Variants in FRMD4B observed in about 807,000 individuals in gnomAD.
The protein encoded by FRMD4B is FERM domain-containing protein 4B.
A neutral mutation model predicts 141.5 loss-of-function variants in FRMD4B; 74 were observed. That is an observed-to-expected ratio of 0.52 (90% confidence interval 0.43 to 0.63). FRMD4B has a LOEUF of 0.63. Ranked by LOEUF, FRMD4B falls within the 30% of genes least tolerant of loss-of-function variation. The pLI, the probability that FRMD4B is intolerant of heterozygous loss-of-function variation, is 0.00. For missense variants in FRMD4B, 1,366 were observed against 1,253.4 expected, an observed-to-expected ratio of 1.09 and a Z score of -1.36; for synonymous variants, 506 against 467.9, an observed-to-expected ratio of 1.08 and a Z score of -1.05.
chr3:69,529,861 TG>T (rs1700987049), intron 1 of FRMD4B, among the ~76,000 whole-genome samples: 1 of 152,204 alleles, frequency 6.6e-6, no homozygotes. Context: ...TTGCCTGAGT[TG>T]AAGTAGTAGT....
At chr3:69,449,484 G>A (rs137984651) in intron 1 of FRMD4B, among the ~76,000 whole-genome samples, 174 of 152,250 alleles carry the variant, frequency 1.1e-3, no homozygotes, top group Non-Finnish European at 1.8e-3. Flanking sequence ...GTGAAAAAGC[G>A]GATGAATGCA....
intron 1 of FRMD4B, among the ~76,000 whole-genome samples, chr3:69,527,953 G>T (rs1046238236): frequency 2.6e-5 from 4 of 152,146 alleles, no homozygotes; most frequent in African/African-American, 9.7e-5. Context: ...CCTATTAAAG[G>T]AATCACAAAT....
intron 5 of FRMD4B, among the ~76,000 whole-genome samples, chr3:69,262,459 CTTTTT>C (rs71618271): frequency 1.6e-4 from 14 of 86,852 alleles, no homozygotes; most frequent in Non-Finnish European, 2.2e-4. Flanking sequence ...ACACAAATGA[CTTTTT>C]TTTTTTTTTT....
intron 1 of FRMD4B, among the ~76,000 whole-genome samples, chr3:69,433,505 C>T (rs557422871): frequency 6.6e-6 from 1 of 152,164 alleles, no homozygotes; most frequent in Non-Finnish European, 1.5e-5. Context: ...TGGCACCATC[C>T]GCTTGGCACC....
Position 69,538,415 on chromosome 3 carries a change from T to C in FRMD4B, c.-129+3791A>G, listed in dbSNP as rs544148137. Among the ~76,000 whole-genome samples the C allele has an allele frequency of 4.4e-4, 67 of 152,340 alleles. 1 individual carries two copies. The South Asian group carries it at 0.013, about 31-fold the overall frequency. On this transcript the variant is annotated intron_variant, in intron 1 of 5. Coordinates refer to the FRMD4B transcript ENST00000459638. ...AACAGACACATGCATCCTGTGGCAG[T>C]ACTTTTCAAACTTTTTGATGGCTAA...
At chr3:69,478,073 C>A (rs1262905972) in intron 1 of FRMD4B, among the ~76,000 whole-genome samples, 1 of 152,054 alleles carries the variant, frequency 6.6e-6, no homozygotes, top group Non-Finnish European at 1.5e-5. Flanking sequence ...TTTTTTATTG[C>A]ATCTATTTGA....
At chr3:69,442,521 A>G (rs563190599) in intron 1 of FRMD4B, among the ~76,000 whole-genome samples, 1 of 152,232 alleles carries the variant, frequency 6.6e-6, no homozygotes, top group East Asian at 1.9e-4. Context: ...AGCACTCTAG[A>G]TCATTCTAAC....
At chr3:69,484,589 G>T (rs1706183310) in intron 1 of FRMD4B, among the ~76,000 whole-genome samples, 1 of 152,120 alleles carries the variant, frequency 6.6e-6, no homozygotes, top group Non-Finnish European at 1.5e-5. Flanking sequence ...CAAGTGTTCA[G>T]CTCTCAGCAG....
At chr3:69,220,067 G>A (rs1256605289) in intron 9 of FRMD4B, among the ~76,000 whole-genome samples, 2 of 152,130 alleles carry the variant, frequency 1.3e-5, no homozygotes, top group African/African-American at 4.8e-5. Context: ...TGGGAACTTT[G>A]TAATATACAG....
chr3:69,522,034 T>C (rs1045702470), intron 1 of FRMD4B, among the ~76,000 whole-genome samples: 2 of 152,344 alleles, frequency 1.3e-5, no homozygotes, highest in Admixed American at 1.3e-4. Flanking sequence ...CACATGTTTA[T>C]GGGTGCTTTA....
At chr3:69,349,542 C>T (rs890328819) in intron 1 of FRMD4B, among the ~76,000 whole-genome samples, 1 of 152,154 alleles carries the variant, frequency 6.6e-6, no homozygotes, top group Non-Finnish European at 1.5e-5. Flanking sequence ...AAGAACGAAA[C>T]TGGAGGCATC....
At chr3:69,227,416 G>A (rs961353497) in intron 7 of FRMD4B, among the ~76,000 whole-genome samples, 32 of 152,012 alleles carry the variant, frequency 2.1e-4, no homozygotes, top group East Asian at 1.9e-4. Flanking sequence ...TAATCCCAGC[G>A]CTTTGGGAGG....
Position 69,366,079 on chromosome 3 carries a change from AC to A in FRMD4B, c.162+19748del, listed in dbSNP as rs1413185342. Among the ~76,000 whole-genome samples the A allele has an allele frequency of 3.1e-4, 47 of 150,804 alleles. 1 individual carries two copies. Among genetic ancestry groups the A allele is most frequent in the Non-Finnish European group, 4.4e-5 (3 of 67,688 alleles). On this transcript the variant is annotated intron_variant, in intron 1 of 22. Transcript: ENST00000398540. ...CTACAAAACACACACACACACACAC[AC>A]ACACACACACACACACACACACACA...
At chr3:69,234,237 CCT>C (rs1361113117) in intron 7 of FRMD4B, among the ~76,000 whole-genome samples, 8 of 147,502 alleles carry the variant, frequency 5.4e-5, no homozygotes, top group African/African-American at 2.0e-4. Context: ...AGAGTGAGAC[CCT>C]GTCTCAAAAA....
At chr3:69,337,936 A>T (rs1257912402) in intron 1 of FRMD4B, among the ~76,000 whole-genome samples, 1 of 152,230 alleles carries the variant, frequency 6.6e-6, no homozygotes, top group Non-Finnish European at 1.5e-5. Context: ...ATACCATTTG[A>T]CCCAGCCATC....
chr3:69,342,236 C>G (rs952645805), intron 1 of FRMD4B, among the ~76,000 whole-genome samples: 3 of 152,122 alleles, frequency 2.0e-5, no homozygotes, highest in Non-Finnish European at 4.4e-5. Context: ...AACACTTGAC[C>G]TGAAGGCAAG....
chr3:69,467,024 C>A (rs1319141108), intron 1 of FRMD4B, among the ~76,000 whole-genome samples: 1 of 152,062 alleles, frequency 6.6e-6, no homozygotes, highest in Non-Finnish European at 1.5e-5. Context: ...AAAAATAAAA[C>A]CTTAATTAGA....
At chr3:69,466,775 T>A (rs537595828) in intron 1 of FRMD4B, among the ~76,000 whole-genome samples, 6 of 152,320 alleles carry the variant, frequency 3.9e-5, no homozygotes, top group African/African-American at 1.4e-4. Flanking sequence ...TGGCTCACTA[T>A]AGCTTTGACC....
At chr3:69,464,818 T>C (rs1182714753) in intron 1 of FRMD4B, among the ~76,000 whole-genome samples, 1 of 151,998 alleles carries the variant, frequency 6.6e-6, no homozygotes, top group Non-Finnish European at 1.5e-5. Flanking sequence ...CCAACAAGCA[T>C]CAAACAGAAC....
Sources: allele counts gnomAD v4.1 joint callset (sites outside exome capture counted in the v4.1 genomes callset), GRCh38; gene constraint gnomAD v4.1.1; transcripts MANE v1.5; gene names NCBI Gene and HGNC (gene_info 2026-07-23, HGNC 2026-07-21).